The following LPIN2 variants were observed in gnomAD, a reference collection of about 807,000 sequenced individuals.
LPIN2 encodes phosphatidate phosphatase LPIN2.
LPIN2 carries 55 observed loss-of-function variants against 111.4 expected under a neutral mutation model. The ratio of observed to expected loss-of-function variants is 0.49; its 90% CI spans 0.40 to 0.62. The LOEUF is 0.62. Ranked by LOEUF, LPIN2 falls within the 20% of genes least tolerant of loss-of-function variation. The pLI, the probability that LPIN2 is intolerant of heterozygous loss-of-function variation, is 0.00. For synonymous variants in LPIN2, 425 were observed against 414.0 expected (o/e 1.03, Z -0.32); for missense variants, 992 against 1,112.1 (o/e 0.89, Z 1.54).
At chr18:2,973,199 A>C (rs1015682935) in intron 1 of LPIN2, among the ~76,000 whole-genome samples, 1 of 145,818 alleles carries the variant, frequency 6.9e-6, no homozygotes, top group African/African-American at 2.6e-5. Flanking sequence ...TTCTTAAAAC[A>C]AAAAAAAAAG....
rs976757044 is a variant in LPIN2, at chr18:2,919,758, C to T, written c.*535G>A. The T allele has an allele frequency of 4.4e-5, 8 of 181,080 alleles. No individual in the cohort carries two copies. Among genetic ancestry groups the T allele is most frequent in the Non-Finnish European group, 9.5e-5 (8 of 84,532 alleles). 11.2% of individuals were successfully genotyped at this position (181,080 alleles called of 1,614,324 possible). A position where few individuals can be genotyped will look rare whatever the true frequency, so the allele number is the denominator to read the frequency against. ...GGGCGGGGGTCCTGCCCAACTTGGC[C>T]CACTGGAGCAGCTGACCCCTTCAGT... On this transcript the variant is annotated 3_prime_UTR_variant, in exon 20 of 20. Coordinates refer to ENST00000677752, the MANE Select transcript of LPIN2 (RefSeq NM_001375808.2).
chr18:2,992,810 T>C (rs11080998), intron 1 of LPIN2, among the ~76,000 whole-genome samples: 138,778 of 151,818 alleles, frequency 0.91, 64,261 homozygotes, highest in East Asian at 1. Flanking sequence ...AGTGAAACCA[T>C]GTCTCTACTA....
intron 18 of LPIN2, 199 bp from the exon 19 acceptor site, chr18:2,921,080 G>GGGAA (rs1180475352): frequency 1.6e-6 from 1 of 629,334 alleles, no homozygotes; most frequent in African/African-American, 1.8e-5. Context: ...AGAAAACTTG[G>GGGAA]GCAGCCACCA....
At chr18:2,971,915 T>C (rs370300628) in intron 1 of LPIN2, among the ~76,000 whole-genome samples, 1 of 151,772 alleles carries the variant, frequency 6.6e-6, no homozygotes, top group East Asian at 1.9e-4. Flanking sequence ...GGCATGGTGG[T>C]GGGCACCTGT....
At chr18:2,990,636 A>T (rs1180079859) in intron 1 of LPIN2, 1 of 180,610 alleles carries the variant, frequency 5.5e-6, no homozygotes, top group African/African-American at 2.4e-5. Flanking sequence ...AAAGGAAGAG[A>T]GTGGCCAATG....
intron 1 of LPIN2, chr18:2,982,835 C>G (rs1451384514): frequency 5.7e-6 from 4 of 696,972 alleles, no homozygotes; most frequent in Non-Finnish European, 6.8e-6. Context: ...GAAAGCTGCT[C>G]TCTTGACAAA....
intron 4 of LPIN2, among the ~76,000 whole-genome samples, chr18:2,944,257 A>G (rs898142379): frequency 7.3e-6 from 1 of 136,662 alleles, no homozygotes; most frequent in Non-Finnish European, 1.6e-5. Flanking sequence ...AAAACAAGCT[A>G]TTTTATTTAA....
In LPIN2 at chr18:2,989,973, C is replaced by T. The variant is rs78570402; in HGVS notation, c.-10+23114G>A. On this transcript the variant is annotated intron_variant, in intron 1 of 19. Coordinates refer to ENST00000677752, the MANE Select transcript of LPIN2 (RefSeq NM_001375808.2). ...AAAACATTGTAGTACTGGCATAAAACAGACATACAGACCAATGGAATAGAC... is the reference window on the plus strand; with the variant it reads ...AAAACATTGTAGTACTGGCATAAAATAGACATACAGACCAATGGAATAGAC... Among the ~76,000 whole-genome samples, 1,301 of 150,318 alleles carry T rather than the reference C, an allele frequency of 8.7e-3. 10 individuals are homozygous for T. Among genetic ancestry groups the T allele is most frequent in the African/African-American group, 0.026 (1,069 of 40,912 alleles).
chr18:3,012,595 C>T (rs906834351), intron 1 of LPIN2, among the ~76,000 whole-genome samples: 1 of 152,176 alleles, frequency 6.6e-6, no homozygotes, highest in Non-Finnish European at 1.5e-5. Context: ...ACCAGCAACT[C>T]GGCGGCCCCC....
chr18:2,922,274 C>T, intron 16 of LPIN2, 75 bp from the exon 17 acceptor site: 2 of 1,524,494 alleles, frequency 1.3e-6, no homozygotes, highest in South Asian at 1.2e-5. Context: ...AAAAAAAACC[C>T]CACACTTTTC....
At chr18:2,969,148 A>AT (rs1407091597) in intron 1 of LPIN2, among the ~76,000 whole-genome samples, 1 of 152,194 alleles carries the variant, frequency 6.6e-6, no homozygotes, top group Non-Finnish European at 1.5e-5. Flanking sequence ...AAAAATGCAA[A>AT]TTTCTGACTG....
chr18:2,921,724 G>T, intron 17 of LPIN2, 77 bp from the exon 18 acceptor site: 3 of 996,198 alleles, frequency 3.0e-6, no homozygotes, highest in Non-Finnish European at 4.7e-6. Flanking sequence ...AAATTTTAGT[G>T]CTCACAACCA....
intron 1 of LPIN2, among the ~76,000 whole-genome samples, chr18:2,963,308 A>C (rs1020673242): frequency 3.9e-5 from 6 of 152,106 alleles, no homozygotes; most frequent in African/African-American, 1.5e-4. Flanking sequence ...GGGATATGTT[A>C]AACAGCCTGC....
chr18:2,984,441 G>A (rs1248494594), intron 1 of LPIN2, among the ~76,000 whole-genome samples: 1 of 152,178 alleles, frequency 6.6e-6, no homozygotes, highest in Non-Finnish European at 1.5e-5. Flanking sequence ...ATCTACTGCA[G>A]TTCAGGATCC....
rs531149796 is a variant in LPIN2, at chr18:2,933,052, GATTT to G, written c.1268+1295_1268+1298del. On this transcript the variant is annotated intron_variant, in intron 8 of 19. Coordinates refer to ENST00000677752, the MANE Select transcript of LPIN2 (RefSeq NM_001375808.2). ...GATGCCACCAAATACAAAAGTGTGT[GATTT>G]ATATTAAAGTTTAGTGATAATTACA... Among the ~76,000 whole-genome samples the G allele has an allele frequency of 3.2e-3, 489 of 152,288 alleles. 2 individuals are homozygous for G. The highest frequency in any genetic ancestry group is 0.01 in the Middle Eastern group (3 of 294).
At chr18:2,921,231 TC>T (rs1326968227) in intron 18 of LPIN2, 27 of 551,432 alleles carry the variant, frequency 4.9e-5, no homozygotes, top group Non-Finnish European at 8.7e-5. Flanking sequence ...TCTGGGGTGA[TC>T]CAAGGACGCA....
intron 15 of LPIN2, 47 bp from the exon 16 acceptor site, chr18:2,923,908 T>C (rs1158371905): frequency 1.4e-6 from 2 of 1,476,094 alleles, no homozygotes; most frequent in Non-Finnish European, 1.9e-6. Context: ...ATCAAACACA[T>C]ACAGCGTTTT....
intron 1 of LPIN2, among the ~76,000 whole-genome samples, chr18:2,977,832 T>G (rs1016844896): frequency 3.3e-5 from 5 of 152,150 alleles, no homozygotes; most frequent in African/African-American, 1.2e-4. Context: ...AACTCACTAT[T>G]GGAATATATC....
intron 8 of LPIN2, 113 bp from the exon 9 acceptor site, chr18:2,931,556 G>A (rs896488471): frequency 1.1e-5 from 11 of 978,946 alleles, no homozygotes; most frequent in African/African-American, 8.0e-5. Flanking sequence ...TAAAAAGAAC[G>A]GATGGACCTA....
Sources: gnomAD v4.1 joint callset for allele counts (sites outside exome capture counted in the v4.1 genomes callset) on GRCh38, gnomAD v4.1.1 for gene constraint, MANE v1.5 for transcripts, NCBI Gene and HGNC (gene_info 2026-07-23, HGNC 2026-07-21) for gene names.